Variants in TMEM108 observed in about 807,000 individuals in gnomAD.
The protein encoded by TMEM108 is transmembrane protein 108.
Under a neutral mutation model 35.1 loss-of-function variants are expected in TMEM108, and 12 were observed. That is an observed-to-expected ratio of 0.34 (90% CI 0.22 to 0.55). The LOEUF is 0.55. Ranked by LOEUF, TMEM108 falls within the 20% of genes least tolerant of loss-of-function variation. The pLI, the probability that TMEM108 is intolerant of heterozygous loss-of-function variation, is 0.89. For synonymous variants in TMEM108, 287 were observed against 308.6 expected (o/e 0.93, Z 0.73); for missense variants, 680 against 753.3 (o/e 0.90, Z 1.14).
chr3:133,133,824 C>G (rs533186889), intron 2 of TMEM108, among the ~76,000 whole-genome samples: 3 of 150,618 alleles, frequency 2.0e-5, no homozygotes, highest in African/African-American at 7.3e-5. Context: ...AGTGCAGTGG[C>G]GCGATCTCGG....
At chr3:133,197,388 G>A (rs1402667085) in intron 2 of TMEM108, among the ~76,000 whole-genome samples, 1 of 152,078 alleles carries the variant, frequency 6.6e-6, no homozygotes, top group Admixed American at 6.5e-5. Flanking sequence ...GTAGAGTGAG[G>A]AAAAAGGAAT....
Position 133,395,984 on chromosome 3 carries a change from T to C in TMEM108, c.1726T>C (p.Ter576GlnextTer17). The change falls in exon 6 of 6, where the codon TAA becomes CAA. Residue 576 changes from the stop codon to glutamine (Q), a stop_lost. Transcript: ENST00000321871. ...FVGNDQVSEI[*>Q] ...GGGAAACGATCAAGTATCTGAGATC[T>C]AACTACAGCAGGCATCACTTTGCCA... is the stretch of plus-strand genomic sequence containing the variant. The C allele has an allele frequency of 1.9e-6, 3 of 1,588,474 alleles. No individual in the cohort carries two copies. The highest frequency in any genetic ancestry group is 2.6e-6 in the Non-Finnish European group (3 of 1,167,908).
chr3:133,331,607 C>T (rs1258787223), intron 3 of TMEM108, among the ~76,000 whole-genome samples: 1 of 152,144 alleles, frequency 6.6e-6, no homozygotes, highest in Non-Finnish European at 1.5e-5. Context: ...TAGAAACTGC[C>T]CTGAGCAACT....
chr3:133,332,966 C>T (rs2071415641), intron 3 of TMEM108, among the ~76,000 whole-genome samples: 1 of 152,178 alleles, frequency 6.6e-6, no homozygotes, highest in Admixed American at 6.5e-5. Context: ...ATGAATCCAC[C>T]ATGACCCCAT....
At chr3:133,228,038 T>C (rs1946100061) in intron 2 of TMEM108, among the ~76,000 whole-genome samples, 1 of 151,754 alleles carries the variant, frequency 6.6e-6, no homozygotes, top group Admixed American at 6.6e-5. Flanking sequence ...AATTGGGGAG[T>C]GACTTATAGT....
chr3:133,145,435 T>G (rs1292354588), intron 2 of TMEM108, among the ~76,000 whole-genome samples: 2 of 152,210 alleles, frequency 1.3e-5, no homozygotes, highest in Non-Finnish European at 1.5e-5. Context: ...AGGATTATCT[T>G]GGCTATACAG....
At chr3:133,270,446 G>A (rs192779379) in intron 3 of TMEM108, among the ~76,000 whole-genome samples, 1 of 152,298 alleles carries the variant, frequency 6.6e-6, no homozygotes, top group East Asian at 1.9e-4. Flanking sequence ...TTAAAACCCT[G>A]AGAGTTTGTG....
intron 2 of TMEM108, among the ~76,000 whole-genome samples, chr3:133,063,601 G>A (rs1943559999): frequency 6.6e-6 from 1 of 152,126 alleles, no homozygotes; most frequent in South Asian, 2.1e-4. Flanking sequence ...GCCATATGGT[G>A]GTAAAAGTGT....
At chr3:133,344,635 A>G (rs1023221125) in intron 3 of TMEM108, among the ~76,000 whole-genome samples, 3 of 151,870 alleles carry the variant, frequency 2.0e-5, no homozygotes, top group Admixed American at 2.0e-4. Context: ...TAGAAAAACA[A>G]TCACACTTAT....
intron 3 of TMEM108, among the ~76,000 whole-genome samples, chr3:133,321,282 C>A (rs1018887954): frequency 6.6e-6 from 1 of 152,126 alleles, no homozygotes; most frequent in Non-Finnish European, 1.5e-5. Context: ...TCACCTAACA[C>A]ATAAGGACTC....
intron 2 of TMEM108, among the ~76,000 whole-genome samples, chr3:133,053,910 T>C (rs549797316): frequency 1.3e-5 from 2 of 152,336 alleles, no homozygotes; most frequent in South Asian, 2.1e-4. Context: ...AAAAGGAGTA[T>C]GATAGGTTTT....
chr3:133,284,110 A>T (rs1222930615), intron 3 of TMEM108, among the ~76,000 whole-genome samples: 1 of 152,208 alleles, frequency 6.6e-6, no homozygotes, highest in Non-Finnish European at 1.5e-5. Flanking sequence ...CTTGCCCTGC[A>T]GCCAGCTATG....
chr3:133,241,394 C>T (rs1307202153), intron 3 of TMEM108, among the ~76,000 whole-genome samples: 1 of 152,186 alleles, frequency 6.6e-6, no homozygotes, highest in Non-Finnish European at 1.5e-5. Flanking sequence ...TTGCTCCTCC[C>T]CTCAGAAGTT....
chr3:133,302,928 C>G (rs1328232024), intron 3 of TMEM108, among the ~76,000 whole-genome samples: 3 of 152,092 alleles, frequency 2.0e-5, no homozygotes, highest in East Asian at 3.9e-4. Context: ...TTGGTGAACC[C>G]TAAGTCTGAA....
intron 2 of TMEM108, among the ~76,000 whole-genome samples, chr3:133,081,997 C>T (rs557769115): frequency 1.5e-4 from 23 of 152,134 alleles, no homozygotes; most frequent in Non-Finnish European, 3.1e-4. Context: ...GCTTCAAAGC[C>T]GTGGCAGATC....
intron 2 of TMEM108, among the ~76,000 whole-genome samples, chr3:133,206,258 C>T (rs1001894497): frequency 1.7e-4 from 26 of 152,166 alleles, no homozygotes; most frequent in Non-Finnish European, 3.5e-4. Context: ...TCCTTTAGCT[C>T]GGAGGAGTTT....
chr3:133,312,903 A>G (rs1197322319), intron 3 of TMEM108, among the ~76,000 whole-genome samples: 1 of 152,190 alleles, frequency 6.6e-6, no homozygotes, highest in East Asian at 1.9e-4. Flanking sequence ...TAAGAATGAC[A>G]TTCTCTTACA....
intron 2 of TMEM108, among the ~76,000 whole-genome samples, chr3:133,181,038 A>AAAAAAAAAAAAAC (rs869218859): frequency 1.6e-5 from 2 of 126,444 alleles, no homozygotes; most frequent in African/African-American, 5.7e-5. Context: ...AAAAAAAAAA[A>AAAAAAAAAAAAAC]CAGCACTCCC....
chr3:133,181,008 T>TAAAAAAAAAAAAAAAAAAAAAAA lies in TMEM108; in HGVS notation c.-46-48250_-46-48228dup, dbSNP rs369228472. ...TGTACTGGCTATTGGGCAGTTGTGTTAAAAAAAAAAAAAAAAAAAAAAAAA... is the reference window on the plus strand; with the variant it reads ...TGTACTGGCTATTGGGCAGTTGTGTTAAAAAAAAAAAAAAAAAAAAAAAAAAAAAAAAAAAAAAAAAAAAAAAA... On this transcript the variant is annotated intron_variant, in intron 2 of 5. Transcript: ENST00000321871. Among the ~76,000 whole-genome samples the TAAAAAAAAAAAAAAAAAAAAAAA allele has an allele frequency of 3.4e-4, 26 of 75,852 alleles. 3 individuals carry two copies. Among genetic ancestry groups the TAAAAAAAAAAAAAAAAAAAAAAA allele is most frequent in the Admixed American group, 7.5e-4 (5 of 6,666 alleles). The allele number at this position is 75,852 out of a possible 152,430, so 49.8% of individuals were successfully genotyped here.
Sources: gnomAD v4.1 joint callset for allele counts (sites outside exome capture counted in the v4.1 genomes callset) on GRCh38, gnomAD v4.1.1 for gene constraint, MANE v1.5 for transcripts, NCBI Gene and HGNC (gene_info 2026-07-23, HGNC 2026-07-21) for gene names.